GALNT13: variants seen among roughly 807,000 people sequenced by gnomAD.
GALNT13 encodes the protein polypeptide N-acetylgalactosaminyltransferase 13.
Under a neutral mutation model 64.2 loss-of-function variants are expected in GALNT13, and 28 were observed. The observed-to-expected ratio is 0.44, with a 90% CI of 0.32 to 0.60. GALNT13 has a LOEUF of 0.60. Among genes scored for constraint, GALNT13 ranks in the 20% least tolerant of loss-of-function variants. GALNT13 has a pLI of 0.05. For missense variants in GALNT13, 577 were observed against 669.8 expected (o/e 0.86, Z 1.53); for synonymous variants, 214 against 224.6 (o/e 0.95, Z 0.42).
chr2:153,628,712 A>G, the GALNT13 span, among the ~76,000 whole-genome samples: 14 of 152,232 alleles, frequency 9.2e-5, no homozygotes, highest in East Asian at 1.9e-3. Flanking sequence ...GGTCATGGTG[A>G]ATAAGCTTTT....
At chr2:153,232,321 T>C in the GALNT13 span, among the ~76,000 whole-genome samples, 1 of 152,356 alleles carries the variant, frequency 6.6e-6, no homozygotes, top group East Asian at 1.9e-4. Flanking sequence ...ACTGATATTT[T>C]ATAAATTCTT....
At chr2:154,433,562 T>TA (rs924994648) in intron 11 of GALNT13, among the ~76,000 whole-genome samples, 72 of 150,668 alleles carry the variant, frequency 4.8e-4, no homozygotes, top group African/African-American at 3.4e-4. Context: ...CAGTGAGGAA[T>TA]AAAAAAAAAG....
the GALNT13 span, among the ~76,000 whole-genome samples, chr2:153,267,698 A>T: frequency 1.8e-4 from 27 of 151,426 alleles, no homozygotes; most frequent in Admixed American, 2.6e-4. Flanking sequence ...AAGATCTCTG[A>T]TATGCCCTGG....
chr2:153,839,318 G>A, the GALNT13 span, among the ~76,000 whole-genome samples: 3 of 151,968 alleles, frequency 2.0e-5, no homozygotes, highest in East Asian at 5.8e-4. Context: ...GCTGAGAATG[G>A]ACATCCATAT....
chr2:153,996,431 G>A (rs1393310667), intron 3 of GALNT13, among the ~76,000 whole-genome samples: 1 of 152,038 alleles, frequency 6.6e-6, no homozygotes, highest in Admixed American at 6.6e-5. Flanking sequence ...GATGATGAGT[G>A]TTGTTAAGCG....
intron 8 of GALNT13, among the ~76,000 whole-genome samples, chr2:154,279,403 A>G (rs945756824): frequency 1.3e-5 from 2 of 152,146 alleles, no homozygotes; most frequent in African/African-American, 4.8e-5. Context: ...CGAGGTAGAA[A>G]TGAGTAGAAA....
the GALNT13 span, among the ~76,000 whole-genome samples, chr2:153,295,019 T>G: frequency 2.0e-5 from 3 of 152,178 alleles, no homozygotes; most frequent in African/African-American, 7.2e-5. Flanking sequence ...ATCTGAAATT[T>G]TCCTAACCTG....
intron 11 of GALNT13, chr2:154,435,834 G>A (rs1026808041): frequency 6.6e-6 from 1 of 152,088 alleles, no homozygotes; most frequent in Admixed American, 6.6e-5. Flanking sequence ...TATACCCAAA[G>A]TGAATTCCAT....
At chr2:154,387,581 C>T (rs1263395206) in intron 9 of GALNT13, among the ~76,000 whole-genome samples, 8 of 152,154 alleles carry the variant, frequency 5.3e-5, no homozygotes, top group Non-Finnish European at 7.4e-5. Flanking sequence ...ATTCCTCCCT[C>T]CTCATGCCTG....
chr2:154,364,359 A>C (rs1224082341), intron 9 of GALNT13, among the ~76,000 whole-genome samples: 1 of 152,212 alleles, frequency 6.6e-6, no homozygotes, highest in African/African-American at 2.4e-5. Context: ...AATATCACTT[A>C]TCCTGTAGGA....
chr2:153,496,544 T>C, the GALNT13 span, among the ~76,000 whole-genome samples: 2 of 152,186 alleles, frequency 1.3e-5, no homozygotes, highest in African/African-American at 4.8e-5. Flanking sequence ...TTTCCAGTAA[T>C]TGGGTAAAAA....
the GALNT13 span, among the ~76,000 whole-genome samples, chr2:153,767,313 T>C: frequency 6.6e-6 from 1 of 152,154 alleles, no homozygotes; most frequent in Admixed American, 6.6e-5. Context: ...TAGTATTCCA[T>C]GGTGTATAGA....
At chr2:153,074,317 T>C in the GALNT13 span, among the ~76,000 whole-genome samples, 1 of 152,216 alleles carries the variant, frequency 6.6e-6, no homozygotes, top group African/African-American at 2.4e-5. Context: ...TTAACTATTT[T>C]TCAAAATAAT....
the GALNT13 span, among the ~76,000 whole-genome samples, chr2:153,469,859 T>C: frequency 1.3e-5 from 2 of 152,102 alleles, no homozygotes; most frequent in African/African-American, 4.8e-5. Flanking sequence ...GGAAGGCAGA[T>C]GATTTTATTC....
At chr2:153,868,782 T>C (rs569038677), upstream of GALNT13, among the ~76,000 whole-genome samples, 2 of 152,316 alleles carry the variant, frequency 1.3e-5, no homozygotes, top group Non-Finnish European at 2.9e-5. Context: ...ATTGGCCTTA[T>C]AGCCAAGAAT....
chr2:153,588,430 C>G, the GALNT13 span, among the ~76,000 whole-genome samples: 1 of 152,190 alleles, frequency 6.6e-6, no homozygotes, highest in Non-Finnish European at 1.5e-5. Context: ...ATTCCCAAAC[C>G]CCAATTTTTA....
chr2:154,020,837 T>C (rs1697411664), intron 3 of GALNT13, among the ~76,000 whole-genome samples: 1 of 152,180 alleles, frequency 6.6e-6, no homozygotes, highest in Admixed American at 6.5e-5. Context: ...GTTTTAAGTC[T>C]AACATTTAAG....
the GALNT13 span, among the ~76,000 whole-genome samples, chr2:153,316,286 T>C: frequency 1.3e-5 from 2 of 152,114 alleles, no homozygotes. Context: ...CTACCGCCAC[T>C]CTGACCCAAC....
chr2:154,174,632 A>C (rs996875906), intron 4 of GALNT13, among the ~76,000 whole-genome samples: 1 of 152,186 alleles, frequency 6.6e-6, no homozygotes, highest in African/African-American at 2.4e-5. Context: ...TGAGTTTATT[A>C]GGTTTACTTA....
Sources: allele counts gnomAD v4.1 joint callset (sites outside exome capture counted in the v4.1 genomes callset), GRCh38; gene constraint gnomAD v4.1.1; transcripts MANE v1.5; gene names NCBI Gene and HGNC (gene_info 2026-07-23, HGNC 2026-07-21).